SDCCAG8: variants seen among roughly 807,000 people sequenced by gnomAD.
The protein encoded by SDCCAG8 is serologically defined colon cancer antigen 8.
SDCCAG8 carries 74 observed loss-of-function variants against 101.8 expected under a neutral mutation model. The ratio of observed to expected loss-of-function variants is 0.73; its 90% CI spans 0.60 to 0.88. SDCCAG8 has a LOEUF of 0.88. Ranked by LOEUF, SDCCAG8 falls within the 40% of genes least tolerant of loss-of-function variation. The pLI is 0.00. For missense variants in SDCCAG8, 787 were observed against 822.6 expected, an observed-to-expected ratio of 0.96 and a Z score of 0.53; for synonymous variants, 281 against 292.9, an observed-to-expected ratio of 0.96 and a Z score of 0.41.
chr1:243,339,157 G>A (rs2075235581), intron 10 of SDCCAG8, among the ~76,000 whole-genome samples: 1 of 152,146 alleles, frequency 6.6e-6, no homozygotes, highest in Non-Finnish European at 1.5e-5. Context: ...GGAATGATGG[G>A]TGGCAGAGGG....
intron 14 of SDCCAG8, among the ~76,000 whole-genome samples, chr1:243,417,359 A>T (rs535537796): frequency 6.6e-6 from 1 of 152,328 alleles, no homozygotes; most frequent in East Asian, 1.9e-4. Context: ...TCTTGTACAC[A>T]CATACACAAA....
chr1:243,443,692 A>G (rs899865925), intron 16 of SDCCAG8, among the ~76,000 whole-genome samples: 3 of 152,110 alleles, frequency 2.0e-5, no homozygotes, highest in African/African-American at 7.2e-5. Flanking sequence ...CAAGATCGAA[A>G]ACAAATCCTG....
At position 243,296,408 on chromosome 1, in the gene SDCCAG8, T is replaced by A. The variant is rs550554762; in HGVS notation, c.675+3189T>A. Among the ~76,000 whole-genome samples the A allele has an allele frequency of 2.6e-4, 39 of 152,200 alleles. No individual in the cohort carries two copies. The South Asian group carries it at 6.8e-3, about 27-fold the overall frequency. On this transcript the variant is annotated intron_variant, in intron 6 of 17. Coordinates refer to ENST00000366541, the MANE Select transcript of SDCCAG8 (RefSeq NM_006642.5). ...TTCCAACTATCACCCTACATCTACA[T>A]TCTCCTTTTCATACCAAACTTTTTC...
chr1:243,332,886 C>T (rs905410989), intron 10 of SDCCAG8, among the ~76,000 whole-genome samples: 11 of 151,914 alleles, frequency 7.2e-5, no homozygotes, highest in Admixed American at 1.3e-4. Flanking sequence ...AGGTGATTAT[C>T]GTAGTCCAGG....
At chr1:243,497,306 A>T (rs1397732223) in intron 17 of SDCCAG8, among the ~76,000 whole-genome samples, 2 of 117,246 alleles carry the variant, frequency 1.7e-5, no homozygotes, top group African/African-American at 3.3e-5. Flanking sequence ...CTGAACGCTC[A>T]CCATGGGTCA....
chr1:243,348,374 G>C (rs902687317), intron 12 of SDCCAG8, among the ~76,000 whole-genome samples: 1 of 151,782 alleles, frequency 6.6e-6, no homozygotes, highest in South Asian at 2.1e-4. Context: ...TTACCTCCCT[G>C]TCCAGCTCTA....
chr1:243,283,735 T>C (rs2069300282), intron 4 of SDCCAG8, among the ~76,000 whole-genome samples: 1 of 152,098 alleles, frequency 6.6e-6, no homozygotes, highest in African/African-American at 2.4e-5. Flanking sequence ...GTAATCATAA[T>C]TATTTTATTT....
chr1:243,420,402 C>A (rs1010150410), intron 15 of SDCCAG8, among the ~76,000 whole-genome samples: 4 of 152,176 alleles, frequency 2.6e-5, no homozygotes, highest in Non-Finnish European at 5.9e-5. Flanking sequence ...TTTTAAGGGT[C>A]TTGACTGGTA....
intron 17 of SDCCAG8, among the ~76,000 whole-genome samples, chr1:243,498,966 G>A (rs1031187384): frequency 2.0e-5 from 3 of 152,368 alleles, no homozygotes; most frequent in African/African-American, 7.2e-5. Flanking sequence ...GGCGAGGACT[G>A]TGGCCCAGTC....
intron 12 of SDCCAG8, among the ~76,000 whole-genome samples, chr1:243,373,218 G>T (rs1042076643): frequency 2.0e-5 from 3 of 151,976 alleles, no homozygotes; most frequent in Non-Finnish European, 4.4e-5. Flanking sequence ...CAGAAGATCT[G>T]GTTCAAGGCT....
intron 16 of SDCCAG8, among the ~76,000 whole-genome samples, chr1:243,439,354 T>TG (rs1458888295): frequency 6.6e-6 from 1 of 151,960 alleles, no homozygotes. Flanking sequence ...CCGGCCGCAG[T>TG]GGCTCATGCC....
At chr1:243,438,516 TTG>T (rs147959124) in intron 16 of SDCCAG8, among the ~76,000 whole-genome samples, 3,760 of 145,826 alleles carry the variant, frequency 0.026, 70 homozygotes, top group African/African-American at 0.061. Context: ...GTGGGAGTGA[TTG>T]TGTGTGTGTG....
intron 8 of SDCCAG8, among the ~76,000 whole-genome samples, chr1:243,312,663 G>A (rs12240249): frequency 0.048 from 6,981 of 146,218 alleles, 556 homozygotes; most frequent in African/African-American, 0.17. Context: ...CCAAGATTGC[G>A]CCACTGCACT....
chr1:243,415,839 A>T lies in SDCCAG8; in HGVS notation c.1744+10A>T, dbSNP rs1376981086. 6.2e-7 allele frequency: 1 copy of T among 1,612,650 alleles called. No homozygotes were observed. The highest frequency in any genetic ancestry group is 8.5e-7 in the Non-Finnish European group (1 of 1,179,424). ...CAGCATGACAAAACTGGTAGGTGGT[A>T]GGGAAAGATTAGAGCCTGGGCACTA... is the stretch of plus-strand genomic sequence containing the variant. On this transcript the variant is annotated intron_variant, in intron 14 of 17. Transcript: ENST00000366541.
At chr1:243,365,909 T>G (rs554645781) in intron 12 of SDCCAG8, among the ~76,000 whole-genome samples, 1 of 152,102 alleles carries the variant, frequency 6.6e-6, no homozygotes, top group African/African-American at 2.4e-5. Flanking sequence ...AGAAAATTGT[T>G]GAAATTCCAT....
chr1:243,298,738 G>A (rs1165720322), intron 6 of SDCCAG8, among the ~76,000 whole-genome samples: 1 of 152,162 alleles, frequency 6.6e-6, no homozygotes, highest in African/African-American at 2.4e-5. Flanking sequence ...TGGAAAGGTA[G>A]TCCTTTGCCT....
chr1:243,369,425 T>C (rs1252473210), intron 12 of SDCCAG8, among the ~76,000 whole-genome samples: 1 of 152,174 alleles, frequency 6.6e-6, no homozygotes, highest in Non-Finnish European at 1.5e-5. Flanking sequence ...CATTCACTCA[T>C]TGAGTTGAAT....
intron 16 of SDCCAG8, among the ~76,000 whole-genome samples, chr1:243,477,053 C>G (rs1430481016): frequency 6.6e-6 from 1 of 151,376 alleles, no homozygotes; most frequent in East Asian, 1.9e-4. Context: ...GGCAGGAGAG[C>G]GTAATCAATC....
chr1:243,308,223 T>G (rs1192802426), intron 8 of SDCCAG8, 46 bp downstream of exon 8: 4 of 1,599,998 alleles, frequency 2.5e-6, no homozygotes, highest in Non-Finnish European at 2.6e-6. Flanking sequence ...ATATGGAAAA[T>G]TCTGCCTTTA....
Sources: allele counts gnomAD v4.1 joint callset (sites outside exome capture counted in the v4.1 genomes callset), GRCh38; gene constraint gnomAD v4.1.1; transcripts MANE v1.5; gene names NCBI Gene and HGNC (gene_info 2026-07-23, HGNC 2026-07-21).